Variants in ADGRB3 observed in about 807,000 individuals in gnomAD.
The protein encoded by ADGRB3 is brain-specific angiogenesis inhibitor 3.
A neutral mutation model predicts 193.4 loss-of-function variants in ADGRB3; 37 were observed. The ratio of observed to expected loss-of-function variants is 0.19; its 90% CI spans 0.15 to 0.25. ADGRB3 has a LOEUF of 0.25. Ranked by LOEUF, ADGRB3 falls within the 10% of genes least tolerant of loss-of-function variation. ADGRB3 has a pLI of 1.00. For synonymous variants in ADGRB3, 690 were observed against 644.2 expected, an observed-to-expected ratio of 1.07 and a Z score of -1.08; for missense variants, 1,637 against 1,852.9, an observed-to-expected ratio of 0.88 and a Z score of 2.14.
At chr6:68,935,727 C>T (rs1328035565) in intron 4 of ADGRB3, among the ~76,000 whole-genome samples, 1 of 151,892 alleles carries the variant, frequency 6.6e-6, no homozygotes, top group African/African-American at 2.4e-5. Context: ...CTCCTTGAGA[C>T]ATAATAAAAG....
chr6:69,366,750 C>T (rs1031739739), intron 29 of ADGRB3, among the ~76,000 whole-genome samples: 1 of 152,050 alleles, frequency 6.6e-6, no homozygotes. Context: ...TCAGAGTATG[C>T]CCAAGCAAAG....
intron 29 of ADGRB3, among the ~76,000 whole-genome samples, chr6:69,365,439 G>A (rs7745125): frequency 0.55 from 83,738 of 151,798 alleles, 25,183 homozygotes; most frequent in East Asian, 0.78. Flanking sequence ...CCTCTTCTGC[G>A]AATCCCTGGG....
chr6:69,108,361 T>C (rs2150324540), intron 17 of ADGRB3, among the ~76,000 whole-genome samples: 1 of 150,688 alleles, frequency 6.6e-6, no homozygotes, highest in African/African-American at 2.4e-5. Context: ...ATTAGCTCCA[T>C]TTGTAAATGG....
At chr6:69,012,094 C>T (rs1769955805) in intron 11 of ADGRB3, among the ~76,000 whole-genome samples, 1 of 152,020 alleles carries the variant, frequency 6.6e-6, no homozygotes, top group Admixed American at 6.6e-5. Flanking sequence ...AAGAACTGAA[C>T]TCTGAATTTA....
chr6:68,832,333 A>G (rs1767971215), intron 3 of ADGRB3, among the ~76,000 whole-genome samples: 1 of 152,164 alleles, frequency 6.6e-6, no homozygotes, highest in African/African-American at 2.4e-5. Flanking sequence ...AAAGTATGTC[A>G]TAGTCTTAGT....
chr6:68,974,508 C>A (rs1562106756), intron 8 of ADGRB3, among the ~76,000 whole-genome samples: 1 of 152,110 alleles, frequency 6.6e-6, no homozygotes, highest in Admixed American at 6.5e-5. Flanking sequence ...CAACACACGT[C>A]TGTAGTCCTA....
chr6:68,766,893 G>T (rs1315980678), intron 3 of ADGRB3, among the ~76,000 whole-genome samples: 1 of 151,996 alleles, frequency 6.6e-6, no homozygotes, highest in Non-Finnish European at 1.5e-5. Flanking sequence ...ATTTGTTTAT[G>T]AGACAATAAT....
chr6:69,069,390 G>A (rs1054739116), intron 16 of ADGRB3, among the ~76,000 whole-genome samples: 3 of 151,304 alleles, frequency 2.0e-5, no homozygotes, highest in Non-Finnish European at 2.9e-5. Flanking sequence ...AAAAATTTAC[G>A]TCTACTAATG....
At chr6:68,961,538 A>G (rs1178164108) in intron 8 of ADGRB3, among the ~76,000 whole-genome samples, 1 of 152,200 alleles carries the variant, frequency 6.6e-6, no homozygotes, top group Non-Finnish European at 1.5e-5. Context: ...GGTTCCAGTT[A>G]GTAGAATAGT....
chr6:69,121,709 C>A (rs536881352), intron 17 of ADGRB3, among the ~76,000 whole-genome samples: 1 of 150,122 alleles, frequency 6.7e-6, no homozygotes, highest in African/African-American at 2.5e-5. Context: ...GGGTGGCGGC[C>A]GGGCAGAGGC....
intron 3 of ADGRB3, among the ~76,000 whole-genome samples, chr6:68,893,006 G>A (rs1766121787): frequency 6.6e-6 from 1 of 152,038 alleles, no homozygotes; most frequent in African/African-American, 2.4e-5. Context: ...TCTAATGCCT[G>A]CCTTAGTTTT....
At chr6:68,909,622 A>C (rs1766644495) in intron 3 of ADGRB3, among the ~76,000 whole-genome samples, 1 of 152,192 alleles carries the variant, frequency 6.6e-6, no homozygotes, top group African/African-American at 2.4e-5. Flanking sequence ...TTCTGAGTTT[A>C]ATTTTATATG....
At chr6:69,016,891 T>A (rs1770108353) in intron 12 of ADGRB3, among the ~76,000 whole-genome samples, 1 of 151,944 alleles carries the variant, frequency 6.6e-6, no homozygotes, top group Non-Finnish European at 1.5e-5. Flanking sequence ...TATTTTACTT[T>A]GTATTTATTA....
At chr6:69,372,810 T>G (rs1172754804) in intron 30 of ADGRB3, among the ~76,000 whole-genome samples, 1 of 152,030 alleles carries the variant, frequency 6.6e-6, no homozygotes, top group African/African-American at 2.4e-5. Flanking sequence ...AGTGACTGCC[T>G]GAAGAGATCC....
chr6:69,012,958 G>A (rs367818327), intron 11 of ADGRB3, among the ~76,000 whole-genome samples: 9 of 152,116 alleles, frequency 5.9e-5, no homozygotes, highest in African/African-American at 1.7e-4. Flanking sequence ...TGCTACTGCT[G>A]ACCTACACAC....
chr6:69,321,990 C>T lies in ADGRB3; in HGVS notation c.2815-2882C>T, dbSNP rs569139037. On this transcript the variant is annotated intron_variant, in intron 20 of 31. Coordinates refer to ENST00000370598, the MANE Select transcript of ADGRB3 (RefSeq NM_001704.3). ...AGCCTAGTACCAATTAGTTATTTTT[C>T]CTGATCTCCTTTCTCCCTCCCTCCA... Among the ~76,000 whole-genome samples the T allele has an allele frequency of 2.4e-4, 37 of 151,790 alleles. No homozygotes were observed. In the South Asian group the frequency reaches 7.1e-3, roughly 29 times the overall value.
rs62406775 is a variant in ADGRB3, at chr6:69,104,349, C to A, written c.2480+28311C>A. Reference sequence around the variant, plus strand: ...ATGGTTTCCAATTTCATCCATGTCCCTACAAAGGACATGAACTCATCGTTT... The same window carrying A: ...ATGGTTTCCAATTTCATCCATGTCCATACAAAGGACATGAACTCATCGTTT... On this transcript the variant is annotated intron_variant, in intron 17 of 31. Coordinates refer to ENST00000370598, the MANE Select transcript of ADGRB3 (RefSeq NM_001704.3). 2.5e-3 allele frequency among the ~76,000 whole-genome samples: 382 copies of A among 151,510 alleles called. 3 individuals carry two copies. Among genetic ancestry groups the A allele is most frequent in the Non-Finnish European group, 4.1e-3 (278 of 67,912 alleles).
chr6:69,097,213 G>A (rs973786504), intron 17 of ADGRB3, among the ~76,000 whole-genome samples: 1 of 152,162 alleles, frequency 6.6e-6, no homozygotes, highest in African/African-American at 2.4e-5. Flanking sequence ...GACTCAGGTC[G>A]AGCTATACAT....
intron 3 of ADGRB3, among the ~76,000 whole-genome samples, chr6:68,802,183 CGT>C (rs9294808): frequency 0.013 from 1,847 of 142,040 alleles, 18 homozygotes; most frequent in Middle Eastern, 0.032. Context: ...TGCACATATG[CGT>C]GTGTGTGTGT....
Sources: allele counts gnomAD v4.1 joint callset (sites outside exome capture counted in the v4.1 genomes callset), GRCh38; gene constraint gnomAD v4.1.1; transcripts MANE v1.5; gene names NCBI Gene and HGNC (gene_info 2026-07-23, HGNC 2026-07-21).